Variants in CRPPA observed in about 807,000 individuals in gnomAD.
CRPPA encodes D-ribitol-5-phosphate cytidylyltransferase.
In CRPPA, 43 loss-of-function variants were observed where a neutral mutation model predicts 52.0. The ratio of observed to expected loss-of-function variants is 0.83; its 90% CI spans 0.65 to 1.07. The LOEUF (loss-of-function observed/expected upper bound fraction) is 1.07. CRPPA is among the 50% of genes least tolerant of loss of function. The pLI, the probability that CRPPA is intolerant of heterozygous loss-of-function variation, is 0.00. For synonymous variants in CRPPA, 250 were observed against 203.5 expected (o/e 1.23, Z -1.94); for missense variants, 629 against 551.7 (o/e 1.14, Z -1.40).
intron 9 of CRPPA, among the ~76,000 whole-genome samples, chr7:16,176,157 G>C (rs1781292600): frequency 6.6e-6 from 1 of 152,060 alleles, no homozygotes; most frequent in Non-Finnish European, 1.5e-5. Context: ...GCCCTTCAAA[G>C]CTACATTGTA....
intron 9 of CRPPA, among the ~76,000 whole-genome samples, chr7:16,195,927 C>T (rs1781721973): frequency 6.6e-6 from 1 of 152,130 alleles, no homozygotes; most frequent in African/African-American, 2.4e-5. Flanking sequence ...CCCTTCCCCA[C>T]AGCATCCCAT....
chr7:16,305,494 TG>T (rs1490684484), intron 4 of CRPPA, among the ~76,000 whole-genome samples: 3 of 152,164 alleles, frequency 2.0e-5, no homozygotes, highest in Non-Finnish European at 4.4e-5. Context: ...TGATTTCTAG[TG>T]GGGGGATCGC....
intron 9 of CRPPA, among the ~76,000 whole-genome samples, chr7:16,098,753 A>G (rs987422441): frequency 6.6e-6 from 1 of 152,206 alleles, no homozygotes; most frequent in African/African-American, 2.4e-5. Context: ...ATATGGAAGA[A>G]AAAACCTAAC....
chr7:16,274,386 T>C (rs1035241720), intron 6 of CRPPA, among the ~76,000 whole-genome samples: 1 of 152,144 alleles, frequency 6.6e-6, no homozygotes, highest in African/African-American at 2.4e-5. Context: ...CTCTTAAGTT[T>C]GTGTGGCATA....
At chr7:16,287,121 T>C (rs1200545654) in intron 5 of CRPPA, among the ~76,000 whole-genome samples, 1 of 152,206 alleles carries the variant, frequency 6.6e-6, no homozygotes, top group Non-Finnish European at 1.5e-5. Context: ...TAAAGCAGTA[T>C]GAATTATTTT....
At chr7:16,363,767 G>A (rs1786518451) in intron 3 of CRPPA, among the ~76,000 whole-genome samples, 1 of 152,154 alleles carries the variant, frequency 6.6e-6, no homozygotes, top group South Asian at 2.1e-4. Context: ...AGGACCAGTG[G>A]GGAAAAAAAC....
intron 9 of CRPPA, among the ~76,000 whole-genome samples, chr7:16,166,743 T>C (rs1781074638): frequency 6.6e-6 from 1 of 152,260 alleles, no homozygotes. Flanking sequence ...GACTCTTACA[T>C]CACGATCTTG....
At chr7:16,154,575 G>A in intron 9 of CRPPA, among the ~76,000 whole-genome samples, 1 of 152,108 alleles carries the variant, frequency 6.6e-6, no homozygotes, top group South Asian at 2.1e-4. Context: ...TAAAAAATGT[G>A]TGCCCAAGTA....
At chr7:16,338,950 G>A (rs759467975) in intron 3 of CRPPA, among the ~76,000 whole-genome samples, 1 of 151,702 alleles carries the variant, frequency 6.6e-6, no homozygotes, top group Non-Finnish European at 1.5e-5. Context: ...CGAGTAGCTG[G>A]GACTACAGGC....
At chr7:16,399,509 T>A (rs1204741883) in intron 2 of CRPPA, among the ~76,000 whole-genome samples, 1 of 151,102 alleles carries the variant, frequency 6.6e-6, no homozygotes, top group Non-Finnish European at 1.5e-5. Context: ...GTGACCAACG[T>A]GACCAGAGCA....
At chr7:16,111,960 T>C (rs775758560) in intron 9 of CRPPA, among the ~76,000 whole-genome samples, 2 of 152,214 alleles carry the variant, frequency 1.3e-5, no homozygotes, top group Non-Finnish European at 2.9e-5. Context: ...ATATGTTAAC[T>C]AGATTGATTT....
chr7:16,115,701 G>A (rs773583500), intron 9 of CRPPA, among the ~76,000 whole-genome samples: 1 of 152,168 alleles, frequency 6.6e-6, no homozygotes, highest in Non-Finnish European at 1.5e-5. Flanking sequence ...GTGCCAGAAT[G>A]TAGGGACACC....
At chr7:16,176,656 G>A (rs368777141) in intron 9 of CRPPA, among the ~76,000 whole-genome samples, 1 of 152,070 alleles carries the variant, frequency 6.6e-6, no homozygotes, top group Non-Finnish European at 1.5e-5. Context: ...TGTTCACACT[G>A]TACTCTAACT....
intron 9 of CRPPA, among the ~76,000 whole-genome samples, chr7:16,196,814 A>G (rs1362307062): frequency 6.6e-6 from 1 of 152,100 alleles, no homozygotes; most frequent in Non-Finnish European, 1.5e-5. Context: ...TTTTTCCCTA[A>G]ATAACCAAGA....
rs191845550 is a variant in CRPPA at position 16,139,392 on chromosome 7, C to T, written c.1252-47593G>A. On this transcript the variant is annotated intron_variant, in intron 9 of 9. Coordinates refer to ENST00000407010, the MANE Select transcript of CRPPA (RefSeq NM_001101426.4). ...ATGAAAAGTCTAAGAAAGTCCTCAT[C>T]AAATATAACATTTTATGAAGTTAAT... Among the ~76,000 whole-genome samples, 9 of 152,256 alleles carry T rather than the reference C, an allele frequency of 5.9e-5. No homozygotes were observed. In the East Asian group the frequency reaches 1.7e-3, roughly 29 times the overall value.
At chr7:16,327,151 G>C (rs57850085) in intron 3 of CRPPA, among the ~76,000 whole-genome samples, 3,205 of 152,102 alleles carry the variant, frequency 0.021, 107 homozygotes, top group African/African-American at 0.072. Context: ...CAGTTCTTTT[G>C]CTTTCTCTTT....
intron 3 of CRPPA, among the ~76,000 whole-genome samples, chr7:16,337,744 T>C (rs1785723271): frequency 6.6e-6 from 1 of 152,060 alleles, no homozygotes; most frequent in Non-Finnish European, 1.5e-5. Context: ...AAAACAATTA[T>C]ACTCCAACAA....
chr7:16,254,568 T>C (rs1459349195), intron 8 of CRPPA, among the ~76,000 whole-genome samples: 1 of 151,594 alleles, frequency 6.6e-6, no homozygotes, highest in Non-Finnish European at 1.5e-5. Context: ...GTGGGGAACA[T>C]CAAACATGGG....
chr7:16,383,986 C>A lies in CRPPA; in HGVS notation c.535-7745G>T, dbSNP rs188939248. On this transcript the variant is annotated intron_variant, in intron 2 of 9. Transcript: ENST00000407010. Reference sequence around the variant, plus strand: ...GCCTCGCCCTGCTTTGGCTCGCGCACGGTGCGCTGCACTCACTGTCCTGCG... The same window carrying A: ...GCCTCGCCCTGCTTTGGCTCGCGCAAGGTGCGCTGCACTCACTGTCCTGCG... Among the ~76,000 whole-genome samples, 218 of 152,334 alleles carry A rather than the reference C, an allele frequency of 1.4e-3. 2 individuals are homozygous for A. The highest frequency in any genetic ancestry group is 5.1e-3 in the African/African-American group (212 of 41,580).
Sources: gnomAD v4.1 joint callset for allele counts (sites outside exome capture counted in the v4.1 genomes callset) on GRCh38, gnomAD v4.1.1 for gene constraint, MANE v1.5 for transcripts, NCBI Gene and HGNC (gene_info 2026-07-23, HGNC 2026-07-21) for gene names.